The following EBF1 variants were observed in gnomAD, a reference collection of about 807,000 sequenced individuals.
The protein encoded by EBF1 is EBF transcription factor 1.
A neutral mutation model predicts 68.4 loss-of-function variants in EBF1; 10 were observed. The observed-to-expected ratio is 0.15, with a 90% confidence interval of 0.09 to 0.25. The LOEUF is 0.25. Ranked by LOEUF, EBF1 falls within the 10% of genes least tolerant of loss-of-function variation. The probability of loss-of-function intolerance (pLI) is 1.00; values close to 1 mark genes in which losing one functional copy is unlikely to be tolerated. For missense variants in EBF1, 509 were observed against 794.4 expected, an observed-to-expected ratio of 0.64 and a Z score of 4.32; for synonymous variants, 298 against 299.8, an observed-to-expected ratio of 0.99 and a Z score of 0.06.
chr5:159,097,412 A>G, intron 1 of EBF1: 1 of 480,550 alleles, frequency 2.1e-6, no homozygotes, highest in Non-Finnish European at 3.7e-6. Flanking sequence ...ATGAAACTCT[A>G]TAAGCATTTA....
intron 6 of EBF1, among the ~76,000 whole-genome samples, chr5:158,906,791 T>C (rs1804740174): frequency 6.6e-6 from 1 of 152,248 alleles, no homozygotes; most frequent in Non-Finnish European, 1.5e-5. Flanking sequence ...CTTGATTGAA[T>C]TCTATCTTGA....
intron 7 of EBF1, among the ~76,000 whole-genome samples, chr5:158,825,241 A>T (rs532617201): frequency 1.3e-5 from 2 of 152,368 alleles, no homozygotes; most frequent in East Asian, 1.9e-4. Context: ...AAACTATCAT[A>T]TGCAGTGGCA....
At chr5:158,968,943 T>G (rs1754738127) in intron 6 of EBF1, among the ~76,000 whole-genome samples, 1 of 152,142 alleles carries the variant, frequency 6.6e-6, no homozygotes, top group Non-Finnish European at 1.5e-5. Context: ...GAAATTTGCT[T>G]CTTGTAAGTA....
chr5:159,034,088 G>T (rs1435447721), intron 6 of EBF1, among the ~76,000 whole-genome samples: 1 of 152,036 alleles, frequency 6.6e-6, no homozygotes, highest in Non-Finnish European at 1.5e-5. Context: ...TGACTCAAAG[G>T]ACTAAAATTC....
chr5:159,032,373 CATTAT>C (rs1769101060), intron 6 of EBF1, among the ~76,000 whole-genome samples: 1 of 152,184 alleles, frequency 6.6e-6, no homozygotes, highest in African/African-American at 2.4e-5. Context: ...AGGCCCTTTC[CATTAT>C]ATTTATTGCA....
At chr5:158,715,115 T>G (rs1477492702) in intron 11 of EBF1, among the ~76,000 whole-genome samples, 1 of 152,212 alleles carries the variant, frequency 6.6e-6, no homozygotes, top group Non-Finnish European at 1.5e-5. Flanking sequence ...AAAGTTAAGC[T>G]TGATGCATGT....
At chr5:158,808,849 A>AT (rs941487444) in intron 8 of EBF1, among the ~76,000 whole-genome samples, 2 of 152,086 alleles carry the variant, frequency 1.3e-5, no homozygotes, top group African/African-American at 4.8e-5. Context: ...TTCCCAGCAT[A>AT]TTTTTTTATG....
chr5:159,003,253 G>A lies in EBF1; in HGVS notation c.554+70143C>T, dbSNP rs555451728. The stretch of plus-strand genomic sequence containing the variant: ...CTTTGGTGTACAAAAAGCAACAGCC[G>A]AAACAAAAACATCCCCATACATATG... On this transcript the variant is annotated intron_variant, in intron 6 of 15. Transcript: ENST00000313708. Among the ~76,000 whole-genome samples, 15 of 152,220 alleles carry A rather than the reference G, an allele frequency of 9.9e-5. No homozygotes were observed. The South Asian group carries it at 2.1e-3, about 21-fold the overall frequency.
At chr5:159,002,662 T>C (rs1762768820) in intron 6 of EBF1, among the ~76,000 whole-genome samples, 2 of 152,214 alleles carry the variant, frequency 1.3e-5, no homozygotes, top group South Asian at 4.1e-4. Flanking sequence ...TGACATAGTT[T>C]TTATATATAT....
Position 159,066,305 on chromosome 5 carries a change from A to T in EBF1, c.554+7091T>A, listed in dbSNP as rs546851863. ...GTTACCAAGTGCCATTTTGGAGGTT[A>T]TTGTGTAGGATCAATCTATATAATT... On this transcript the variant is annotated intron_variant, in intron 6 of 15. Coordinates refer to ENST00000313708, the MANE Select transcript of EBF1 (RefSeq NM_024007.5). 1.1e-4 allele frequency among the ~76,000 whole-genome samples: 16 copies of T among 152,306 alleles called. No homozygotes were observed. In the East Asian group the frequency reaches 1.7e-3, roughly 17 times the overall value.
At chr5:159,022,054 G>T (rs1459234294) in intron 6 of EBF1, among the ~76,000 whole-genome samples, 1 of 17,972 alleles carries the variant, frequency 5.6e-5, no homozygotes, top group Non-Finnish European at 1.1e-4. Context: ...TTGTCAGCAC[G>T]ATAAAAAAAA....
At position 158,873,476 on chromosome 5, in the gene EBF1, T is replaced by C. The variant is rs80190998; in HGVS notation, c.555-33366A>G. Among the ~76,000 whole-genome samples the C allele has an allele frequency of 2.8e-3, 430 of 152,306 alleles. 1 individual carries two copies. Among genetic ancestry groups the C allele is most frequent in the African/African-American group, 9.8e-3 (406 of 41,556 alleles). ...ATTTTTACCTATAATAATATTCACT[T>C]AATATTTTATGTATACTGACTCATT... is the stretch of plus-strand genomic sequence containing the variant. On this transcript the variant is annotated intron_variant, in intron 6 of 15. Coordinates refer to ENST00000313708, the MANE Select transcript of EBF1 (RefSeq NM_024007.5).
chr5:158,947,196 G>A (rs1031323941), intron 6 of EBF1, among the ~76,000 whole-genome samples: 14 of 151,956 alleles, frequency 9.2e-5, no homozygotes, highest in Non-Finnish European at 5.9e-5. Context: ...GGGAGTGAGC[G>A]GTTCTGTCTC....
At chr5:158,755,170 TTTTG>T (rs1769783237) in intron 10 of EBF1, among the ~76,000 whole-genome samples, 1 of 147,746 alleles carries the variant, frequency 6.8e-6, no homozygotes, top group Admixed American at 6.9e-5. Flanking sequence ...ATGTTTATTG[TTTTG>T]TTTTTTTTTC....
At chr5:159,006,170 G>A (rs891577956) in intron 6 of EBF1, among the ~76,000 whole-genome samples, 1 of 152,154 alleles carries the variant, frequency 6.6e-6, no homozygotes, top group African/African-American at 2.4e-5. Context: ...CTTCAGAGAG[G>A]GGTTTCCCCA....
At chr5:158,786,950 T>C (rs1430823975) in intron 9 of EBF1, among the ~76,000 whole-genome samples, 2 of 152,194 alleles carry the variant, frequency 1.3e-5, no homozygotes, top group African/African-American at 2.4e-5. Flanking sequence ...GTCAAAGCTT[T>C]ACGATACAGA....
chr5:159,059,090 A>G (rs1216677868), intron 6 of EBF1, among the ~76,000 whole-genome samples: 1 of 152,226 alleles, frequency 6.6e-6, no homozygotes, highest in Non-Finnish European at 1.5e-5. Flanking sequence ...CTGTAGCCCA[A>G]CGGGTGTCCG....
At chr5:158,877,615 C>A (rs1266935438) in intron 6 of EBF1, among the ~76,000 whole-genome samples, 1 of 152,154 alleles carries the variant, frequency 6.6e-6, no homozygotes, top group African/African-American at 2.4e-5. Flanking sequence ...TAAATTATTT[C>A]ATTCCTGTTA....
intron 6 of EBF1, among the ~76,000 whole-genome samples, chr5:158,924,969 A>G (rs1355511474): frequency 6.6e-6 from 1 of 151,658 alleles, no homozygotes; most frequent in African/African-American, 2.4e-5. Context: ...TCCAATCTCT[A>G]GCATGGCCCC....
Sources: gnomAD v4.1 joint callset for allele counts (sites outside exome capture counted in the v4.1 genomes callset) on GRCh38, gnomAD v4.1.1 for gene constraint, MANE v1.5 for transcripts, NCBI Gene and HGNC (gene_info 2026-07-23, HGNC 2026-07-21) for gene names.